Variants in VSTM5 observed in about 807,000 individuals in gnomAD.
The protein encoded by VSTM5 is V-set and transmembrane domain-containing protein 5.
A neutral mutation model predicts 20.3 loss-of-function variants in VSTM5; 21 were observed. The observed-to-expected ratio is 1.03, with a 90% CI of 0.73 to 1.49. VSTM5 has a LOEUF of 1.49. Ranked by LOEUF, VSTM5 falls within the 40% of genes most tolerant of loss-of-function variation. VSTM5 has a pLI of 0.00. For missense variants in VSTM5, 219 were observed against 250.0 expected (o/e 0.88, Z 0.84); for synonymous variants, 100 against 102.5 (o/e 0.98, Z 0.14).
At chr11:93,824,027 C>T (rs1944212565) in intron 1 of VSTM5, among the ~76,000 whole-genome samples, 2 of 152,026 alleles carry the variant, frequency 1.3e-5, no homozygotes, top group African/African-American at 2.4e-5. Flanking sequence ...CCTGTCTCAG[C>T]CTCCCGAGTA....
chr11:93,848,324 C>T (rs1944429719), intron 1 of VSTM5, among the ~76,000 whole-genome samples: 1 of 152,208 alleles, frequency 6.6e-6, no homozygotes. Flanking sequence ...GGCACACATT[C>T]ATTTAACGTC....
chr11:93,840,331 G>T (rs909413403), intron 1 of VSTM5, among the ~76,000 whole-genome samples: 1 of 152,232 alleles, frequency 6.6e-6, no homozygotes, highest in African/African-American at 2.4e-5. Flanking sequence ...GCATCTGAGG[G>T]TGTGACCAAG....
In VSTM5 at chr11:93,819,716, A is replaced by T. The variant is rs1474765163; in HGVS notation, c.*853T>A. The T allele has an allele frequency of 6.6e-6, 1 of 152,282 alleles. No individual in the cohort carries two copies. Among genetic ancestry groups the T allele is most frequent in the African/African-American group, 2.4e-5 (1 of 41,466 alleles). 9.4% of individuals were successfully genotyped at this position (152,282 alleles called of 1,614,324 possible). ...AGATGACTGATTTTCCAGCTGCATC[A>T]CCCACTATGCAAGCTCAGCTTTCAC... On this transcript the variant is annotated 3_prime_UTR_variant, in exon 4 of 4. Coordinates refer to ENST00000409977, the MANE Select transcript of VSTM5 (RefSeq NM_001144871.2).
intron 1 of VSTM5, among the ~76,000 whole-genome samples, chr11:93,838,753 G>T (rs1004222710): frequency 2.6e-5 from 4 of 151,048 alleles, no homozygotes. Context: ...AGCTGAGATT[G>T]CACCACTGCT....
At chr11:93,844,043 C>T (rs1427224206) in intron 1 of VSTM5, among the ~76,000 whole-genome samples, 2 of 152,208 alleles carry the variant, frequency 1.3e-5, no homozygotes, top group Non-Finnish European at 2.9e-5. Flanking sequence ...GACTGACTGC[C>T]CATCTCCCCT....
rs560109550 is a variant in VSTM5, at chr11:93,833,316, T to C, written c.92-11993A>G. Among the ~76,000 whole-genome samples, 23 of 152,280 alleles carry C rather than the reference T, an allele frequency of 1.5e-4. 1 individual carries two copies. The East Asian group carries it at 3.7e-3, about 24-fold the overall frequency. ...ATACATGGATGGGCATGGTGGCTCA[T>C]GCCTGTAATCCCAGCACTTTGGGAG... On this transcript the variant is annotated intron_variant, in intron 1 of 3. Transcript: ENST00000409977.
intron 1 of VSTM5, among the ~76,000 whole-genome samples, chr11:93,840,604 T>G (rs756216203): frequency 5.9e-5 from 9 of 152,210 alleles, no homozygotes; most frequent in Non-Finnish European, 1.2e-4. Flanking sequence ...TAGTCCTATT[T>G]CTAGGGATGC....
intron 1 of VSTM5, among the ~76,000 whole-genome samples, chr11:93,823,508 T>A (rs1351419992): frequency 1.3e-5 from 2 of 152,148 alleles, no homozygotes; most frequent in Non-Finnish European, 2.9e-5. Flanking sequence ...TAACTCAAAG[T>A]TTGGACCTTT....
chr11:93,844,115 T>C (rs1008831587), intron 1 of VSTM5, among the ~76,000 whole-genome samples: 10 of 152,186 alleles, frequency 6.6e-5, no homozygotes, highest in African/African-American at 1.2e-4. Flanking sequence ...CACAGCAGTA[T>C]GTGATGTGAC....
rs991895196 is a variant in VSTM5 at position 93,850,466 on chromosome 11, C to T, written c.37G>A (p.Gly13Ser). The change falls in exon 1 of 4, where the codon GGC becomes AGC. Residue 13 changes from glycine (G) to serine (S), a missense_variant. Gly to Ser is a moderately conservative substitution (Grantham distance 56). Coordinates refer to ENST00000409977, the MANE Select transcript of VSTM5 (RefSeq NM_001144871.2). ...PLPSGRRKTR[G>S]ISLGLFALCL... ...AGGGCGAAGAGTCCTAGGGAGATGCCTCGGGTCTTCCTCCTCCCGCTGGGC... is the reference window on the plus strand; with the variant it reads ...AGGGCGAAGAGTCCTAGGGAGATGCTTCGGGTCTTCCTCCTCCCGCTGGGC... 4 of 1,550,038 alleles carry T rather than the reference C, an allele frequency of 2.6e-6. No individual in the cohort carries two copies. Among genetic ancestry groups the T allele is most frequent in the Non-Finnish European group, 3.5e-6 (4 of 1,146,586 alleles).
At chr11:93,845,031 T>G (rs656966) in intron 1 of VSTM5, among the ~76,000 whole-genome samples, 1 of 123,310 alleles carries the variant, frequency 8.1e-6, no homozygotes, top group African/African-American at 3.2e-5. Flanking sequence ...TTGGGTGTTC[T>G]GAGAACAGCA....
At chr11:93,833,357 T>C (rs1397004418) in intron 1 of VSTM5, among the ~76,000 whole-genome samples, 1 of 152,032 alleles carries the variant, frequency 6.6e-6, no homozygotes, top group Admixed American at 6.6e-5. Context: ...GGCAGGCGGA[T>C]CGCCTGAGCC....
intron 1 of VSTM5, among the ~76,000 whole-genome samples, chr11:93,837,363 A>T (rs629580): frequency 6.6e-6 from 1 of 152,084 alleles, no homozygotes; most frequent in African/African-American, 2.4e-5. Context: ...CCGTCTAAAC[A>T]TCCCTGTATC....
At chr11:93,822,724 A>G (rs1944199138) in intron 1 of VSTM5, among the ~76,000 whole-genome samples, 1 of 152,038 alleles carries the variant, frequency 6.6e-6, no homozygotes, top group Admixed American at 6.5e-5. Flanking sequence ...TCCTGGCCTC[A>G]ATTGATCTGC....
chr11:93,820,992 CTT>C lies in VSTM5; in HGVS notation c.418+3_418+4del, dbSNP rs1565298416. 6.4e-7 allele frequency: 1 copy of C among 1,551,366 alleles called. No homozygotes were observed. The highest frequency in any genetic ancestry group is 1.2e-5 in the South Asian group (1 of 84,024). ...AGGGGTGCCCGGGGCCCTGGGATGT[CTT>C]ACCAGAGACGTGCAGCACGATGGTG... is the stretch of plus-strand genomic sequence containing the variant. On this transcript the variant is annotated splice_donor_region_variant and intron_variant, in intron 2 of 3. Transcript: ENST00000409977.
At chr11:93,848,443 A>G (rs572449835) in intron 1 of VSTM5, among the ~76,000 whole-genome samples, 26 of 152,324 alleles carry the variant, frequency 1.7e-4, no homozygotes, top group Admixed American at 9.8e-4. Flanking sequence ...ACAGGTCTCA[A>G]TGGAAAACTG....
intron 1 of VSTM5, among the ~76,000 whole-genome samples, chr11:93,828,039 T>C (rs1382089278): frequency 1.3e-5 from 2 of 152,354 alleles, no homozygotes; most frequent in East Asian, 3.9e-4. Flanking sequence ...AGTTATTTAT[T>C]GAGTTAATAA....
chr11:93,835,267 A>C (rs1041482377), intron 1 of VSTM5, among the ~76,000 whole-genome samples: 41 of 152,192 alleles, frequency 2.7e-4, no homozygotes, highest in Middle Eastern at 6.8e-3. Context: ...TCTTTAAAAA[A>C]AAAAAATTAG....
chr11:93,834,138 T>C (rs542823484), intron 1 of VSTM5, among the ~76,000 whole-genome samples: 1 of 152,270 alleles, frequency 6.6e-6, no homozygotes, highest in African/African-American at 2.4e-5. Flanking sequence ...TGCCTGTACA[T>C]GAGTAGCCAA....
Sources: allele counts gnomAD v4.1 joint callset (sites outside exome capture counted in the v4.1 genomes callset), GRCh38; gene constraint gnomAD v4.1.1; transcripts MANE v1.5; gene names NCBI Gene and HGNC (gene_info 2026-07-23, HGNC 2026-07-21).